PITPNM2: variants seen among roughly 807,000 people sequenced by gnomAD.
PITPNM2 encodes phosphatidylinositol transfer protein membrane associated 2.
In PITPNM2, 35 loss-of-function variants were observed where a neutral mutation model predicts 132.2. The ratio of observed to expected loss-of-function variants is 0.26; its 90% confidence interval spans 0.20 to 0.35. The LOEUF is 0.35. Ranked by LOEUF, PITPNM2 falls within the 10% of genes least tolerant of loss-of-function variation. PITPNM2 has a pLI of 1.00. For synonymous variants in PITPNM2, 738 were observed against 799.2 expected (o/e 0.92, Z 1.29); for missense variants, 1,332 against 1,912.0 (o/e 0.70, Z 5.66).
chr12:122,992,421 G>A lies in PITPNM2; in HGVS notation c.2404+78C>T. Reference sequence around the variant, plus strand: ...CTCTCACCTGGGGAAGAACCACGTAGCATGGAGGACCTAGGAGCCAGGGAG... The same window carrying A: ...CTCTCACCTGGGGAAGAACCACGTAACATGGAGGACCTAGGAGCCAGGGAG... On this transcript the variant is annotated intron_variant, in intron 16 of 25. Coordinates refer to ENST00000320201, the MANE Select transcript of PITPNM2 (RefSeq NM_020845.3). This position sits in a 1 kb window ranked among gnomAD's most constrained non-coding sequence, Gnocchi z 6.5. The A allele has an allele frequency of 1.3e-6, 2 of 1,497,286 alleles. No homozygotes were observed. The highest frequency in any genetic ancestry group is 9.0e-7 in the Non-Finnish European group (1 of 1,114,838). 92.8% of individuals were successfully genotyped at this position (1,497,286 alleles called of 1,614,324 possible).
chr12:123,104,317 C>G (rs1216788677), intron 2 of PITPNM2, among the ~76,000 whole-genome samples: 1 of 152,210 alleles, frequency 6.6e-6, no homozygotes, highest in Non-Finnish European at 1.5e-5. Flanking sequence ...CCTCTGAGCC[C>G]GAGCCAAGCC....
At chr12:123,139,791 G>A (rs2043464518) in intron 1 of PITPNM2, among the ~76,000 whole-genome samples, 2 of 152,168 alleles carry the variant, frequency 1.3e-5, no homozygotes, top group Non-Finnish European at 2.9e-5. Flanking sequence ...GCCCAGCCCT[G>A]AGACCTCATT....
chr12:123,131,568 C>T (rs1212887245), intron 1 of PITPNM2, among the ~76,000 whole-genome samples: 2 of 152,202 alleles, frequency 1.3e-5, no homozygotes, highest in Admixed American at 1.3e-4. Context: ...CAAGCCCCTG[C>T]ATGCTTGCCC....
At chr12:123,057,639 G>T (rs1467912776) in intron 2 of PITPNM2, among the ~76,000 whole-genome samples, 2 of 152,170 alleles carry the variant, frequency 1.3e-5, no homozygotes, top group Non-Finnish European at 2.9e-5. Context: ...CAAAGCTGGG[G>T]CGCCCGGCCA....
chr12:123,050,006 C>T (rs971801856), intron 2 of PITPNM2, among the ~76,000 whole-genome samples: 1 of 152,220 alleles, frequency 6.6e-6, no homozygotes, highest in South Asian at 2.1e-4. Flanking sequence ...TAAGATTCTC[C>T]AAGAATAGTG....
Position 122,994,696 on chromosome 12 carries a change from A to G in PITPNM2, c.2233+105T>C. On this transcript the variant is annotated intron_variant, in intron 15 of 25. Transcript: ENST00000320201. The surrounding 1 kb of genome is among the most constrained non-coding windows in gnomAD (Gnocchi z 5.4). ...TGGGGAAGACAGGAAGGAGGGCAGA[A>G]ACAGGCCTGGGACGTGGCCATGATC... is the stretch of plus-strand genomic sequence containing the variant. The G allele has an allele frequency of 7.8e-7, 1 of 1,285,304 alleles. No homozygotes were observed. The allele number at this position is 1,285,304 out of a possible 1,614,324, so 79.6% of individuals were successfully genotyped here. A position where few individuals can be genotyped will look rare whatever the true frequency, so the allele number is the denominator to read the frequency against.
At position 122,997,569 on chromosome 12, in the gene PITPNM2, C is replaced by T. The variant is rs569543768; in HGVS notation, c.1228G>A (p.Glu410Lys). Residue 410 changes from glutamate to lysine, a missense_variant, in exon 11 of 26, where the codon GAG becomes AAG. Physicochemically the swap from Glu to Lys is moderately conservative, Grantham distance 56. Transcript: ENST00000320201. The part of the protein sequence containing the change: ...SVEQLNIIED[E>K]VSQPLAAPPS... The stretch of plus-strand genomic sequence containing the variant: ...GGTGCAGCCAGCGGCTGGCTAACCT[C>T]GTCCTGCATGGGTTGGGGGACAGTG... The T allele has an allele frequency of 2.5e-6, 4 of 1,610,300 alleles. No individual in the cohort carries two copies. Among genetic ancestry groups the T allele is most frequent in the East Asian group, 2.2e-5 (1 of 44,778 alleles).
In PITPNM2 at chr12:123,004,286, G is replaced by GT; in HGVS notation, c.1048+107dup. 5.9e-6 allele frequency: 6 copies of GT among 1,019,346 alleles called. No homozygotes were observed. The highest frequency in any genetic ancestry group is 9.0e-6 in the Non-Finnish European group (6 of 669,290). 63.1% of individuals were successfully genotyped at this position (1,019,346 alleles called of 1,614,324 possible). On this transcript the variant is annotated intron_variant, in intron 8 of 25. Coordinates refer to ENST00000320201, the MANE Select transcript of PITPNM2 (RefSeq NM_020845.3). This position sits in a 1 kb window ranked among gnomAD's most constrained non-coding sequence, Gnocchi z 4.9. ...AGGTATAGGGACTGGATATAGAATAGTAACAGGCAACACCCGCATCAGTCC... is the reference window on the plus strand; with the variant it reads ...AGGTATAGGGACTGGATATAGAATAGTTAACAGGCAACACCCGCATCAGTCC...
chr12:123,019,320 G>A (rs1033934501), intron 3 of PITPNM2, among the ~76,000 whole-genome samples: 10 of 152,188 alleles, frequency 6.6e-5, no homozygotes, highest in African/African-American at 2.4e-4. Flanking sequence ...TGGTTACACA[G>A]GCATATTCAC....
At chr12:123,089,070 C>T (rs1367771343) in intron 2 of PITPNM2, 1 of 152,194 alleles carries the variant, frequency 6.6e-6, no homozygotes, top group Non-Finnish European at 1.5e-5. Context: ...CAGTGCCTGA[C>T]ACCATAGCAG....
rs145654836 is a variant in PITPNM2 at position 123,031,172 on chromosome 12, C to T, written c.78+3341G>A. On this transcript the variant is annotated intron_variant, in intron 3 of 25. Transcript: ENST00000320201. The surrounding 1 kb of genome is among the most constrained non-coding windows in gnomAD (Gnocchi z 4.5). ...CCTCAATAAAAGCAAAACAAGACAACAACCAATCAAGTAAGCCCAAAGCCC... is the reference window on the plus strand; with the variant it reads ...CCTCAATAAAAGCAAAACAAGACAATAACCAATCAAGTAAGCCCAAAGCCC... Among the ~76,000 whole-genome samples, 1 of 152,290 alleles carries T rather than the reference C, an allele frequency of 6.6e-6. No individual in the cohort carries two copies. Among genetic ancestry groups the T allele is most frequent in the East Asian group, 1.9e-4 (1 of 5,190 alleles).
At position 122,986,330 on chromosome 12, in the gene PITPNM2, C is replaced by A. The variant is rs376136613; in HGVS notation, c.3747G>T (p.Ala1249=). The change falls in exon 26 of 26, where the codon GCG becomes GCT. Residue 1249 remains alanine, a synonymous_variant. Coordinates refer to ENST00000320201, the MANE Select transcript of PITPNM2 (RefSeq NM_020845.3). ...TGTACTTCAGCTGCGCCAGGTGGGC[C>A]GCGTAGCCATCCGTGATGAACTGCG... is the stretch of plus-strand genomic sequence containing the variant. ...QQCQFITDGY[A]AHLAQLKYSH... is the part of the protein sequence containing the mutation. The A allele has an allele frequency of 8.9e-6, 14 of 1,579,404 alleles. No homozygotes were observed. Among genetic ancestry groups the A allele is most frequent in the Non-Finnish European group, 1.7e-6 (2 of 1,164,534 alleles).
intron 3 of PITPNM2, 93 bp downstream of exon 3, chr12:123,034,420 T>G: frequency 1.6e-6 from 2 of 1,222,232 alleles, no homozygotes; most frequent in Non-Finnish European, 2.4e-6. Flanking sequence ...CACTGCACTG[T>G]GAAGGCCACA....
chr12:123,076,761 G>A (rs2041803555), intron 2 of PITPNM2, among the ~76,000 whole-genome samples: 1 of 152,202 alleles, frequency 6.6e-6, no homozygotes, highest in Non-Finnish European at 1.5e-5. Context: ...GCTACTTGGT[G>A]TAACACTTCC....
chr12:122,997,192 A>G, intron 11 of PITPNM2, 133 bp downstream of exon 11: 1 of 1,364,034 alleles, frequency 7.3e-7, no homozygotes, highest in East Asian at 2.4e-5. Flanking sequence ...GGGCACCTCC[A>G]GGTAGAAGGG....
At chr12:123,068,857 T>C (rs2041533766) in intron 2 of PITPNM2, among the ~76,000 whole-genome samples, 1 of 152,140 alleles carries the variant, frequency 6.6e-6, no homozygotes, top group Admixed American at 6.5e-5. Context: ...AGGACAACTG[T>C]AGGATTGATA....
chr12:123,054,409 A>G lies in PITPNM2; in HGVS notation c.-95-19724T>C, dbSNP rs561748441. Among the ~76,000 whole-genome samples, 3 of 152,328 alleles carry G rather than the reference A, an allele frequency of 2.0e-5. No individual in the cohort carries two copies. The East Asian group carries it at 5.8e-4, about 29-fold the overall frequency. On this transcript the variant is annotated intron_variant, in intron 2 of 25. Coordinates refer to ENST00000320201, the MANE Select transcript of PITPNM2 (RefSeq NM_020845.3). ...TCTATCAGATTTAGGGATTTGGAGC[A>G]TGTCCTCAATCTGCAGCCATGATCT...
In PITPNM2 at chr12:123,117,258, A is replaced by G. The variant is rs969446749; in HGVS notation, c.-199-6770T>C. The stretch of plus-strand genomic sequence containing the variant: ...ATGAAGCCGGTGCTGAGTTTCAAAC[A>G]GCGGTCGTGAGGCTGGGGAATTTCT... On this transcript the variant is annotated intron_variant, in intron 1 of 25. Transcript: ENST00000320201. The surrounding 1 kb of genome is among the most constrained non-coding windows in gnomAD (Gnocchi z 4.7). 6.6e-6 allele frequency among the ~76,000 whole-genome samples: 1 copy of G among 152,246 alleles called. No individual in the cohort carries two copies. The highest frequency in any genetic ancestry group is 1.5e-5 in the Non-Finnish European group (1 of 68,046).
chr12:123,018,020 CT>C (rs1164580942), intron 3 of PITPNM2, among the ~76,000 whole-genome samples: 29 of 142,058 alleles, frequency 2.0e-4, no homozygotes, highest in Admixed American at 3.6e-4. Context: ...TCCTTCCTTC[CT>C]TCCTTCCTTC....
Sources: allele counts gnomAD v4.1 joint callset (sites outside exome capture counted in the v4.1 genomes callset), GRCh38; gene constraint gnomAD v4.1.1; non-coding constraint Gnocchi (gnomAD v3.1); transcripts MANE v1.5; gene names NCBI Gene and HGNC (gene_info 2026-07-23, HGNC 2026-07-21).